The following TENM3 variants were observed in gnomAD, a reference collection of about 807,000 sequenced individuals.
The protein encoded by TENM3 is teneurin-3.
TENM3 carries 63 observed loss-of-function variants against 255.1 expected under a neutral mutation model. The ratio of observed to expected loss-of-function variants is 0.25; its 90% CI spans 0.20 to 0.30. The LOEUF (loss-of-function observed/expected upper bound fraction) is 0.30. Ranked by LOEUF, TENM3 falls within the 10% of genes least tolerant of loss-of-function variation. The pLI is 1.00. For synonymous variants in TENM3, 1,306 were observed against 1,322.3 expected (o/e 0.99, Z 0.27); for missense variants, 2,929 against 3,461.1 (o/e 0.85, Z 3.86).
intron 1 of TENM3, among the ~76,000 whole-genome samples, chr4:182,187,448 A>C (rs375505752): frequency 1.1e-4 from 17 of 152,246 alleles, no homozygotes; most frequent in East Asian, 9.7e-4. Context: ...GGAGGTTAAA[A>C]TTTTTGAAGG....
In TENM3 at chr4:182,802,179, G is replaced by A. The variant is rs1767023422; in HGVS notation, c.*1828G>A. 6.6e-6 allele frequency: 1 copy of A among 152,614 alleles called. No homozygotes were observed. The highest frequency in any genetic ancestry group is 2.4e-5 in the African/African-American group (1 of 41,440). 9.5% of individuals were successfully genotyped at this position (152,614 alleles called of 1,614,324 possible). On this transcript the variant is annotated 3_prime_UTR_variant, in exon 28 of 28. Coordinates refer to ENST00000511685, the MANE Select transcript of TENM3 (RefSeq NM_001080477.4). ...TAGCTACTGAATTTACAGTATCAGT[G>A]CTATTACTGTCTTTGTGTATTTGGT...
chr4:182,538,704 A>C (rs552954219), intron 3 of TENM3, among the ~76,000 whole-genome samples: 1 of 152,244 alleles, frequency 6.6e-6, no homozygotes, highest in East Asian at 1.9e-4. Context: ...GTGGTAGTGG[A>C]GTTGAAGAGA....
the TENM3 span, among the ~76,000 whole-genome samples, chr4:182,095,965 A>G: frequency 1.0e-3 from 159 of 152,098 alleles, no homozygotes; most frequent in African/African-American, 3.7e-3. Flanking sequence ...AAATCAAAAC[A>G]AAAAAACAGA....
the TENM3 span, among the ~76,000 whole-genome samples, chr4:182,040,694 C>T: frequency 1.3e-5 from 2 of 152,166 alleles, no homozygotes; most frequent in African/African-American, 4.8e-5. Flanking sequence ...CTAGTTTTCT[C>T]CCAGTTTCCA....
chr4:181,820,277 A>C, the TENM3 span: 1 of 152,216 alleles, frequency 6.6e-6, no homozygotes, highest in East Asian at 1.9e-4. Flanking sequence ...TTCCTAGAAC[A>C]ATTCCGCTTT....
At chr4:181,822,252 A>G in the TENM3 span, among the ~76,000 whole-genome samples, 1 of 152,204 alleles carries the variant, frequency 6.6e-6, no homozygotes. Flanking sequence ...ATAAATGAAC[A>G]GAGATAAATC....
chr4:182,006,524 T>C, the TENM3 span, among the ~76,000 whole-genome samples: 1 of 152,082 alleles, frequency 6.6e-6, no homozygotes, highest in Admixed American at 6.5e-5. Flanking sequence ...AGAGGTGTTT[T>C]TAGTATTCTC....
chr4:181,926,542 C>G, the TENM3 span, among the ~76,000 whole-genome samples: 4 of 152,046 alleles, frequency 2.6e-5, no homozygotes, highest in African/African-American at 7.2e-5. Context: ...CATAAAATCT[C>G]CCTGCTAAGG....
chr4:181,696,833 G>A, the TENM3 span, among the ~76,000 whole-genome samples: 3 of 152,262 alleles, frequency 2.0e-5, no homozygotes, highest in Admixed American at 1.3e-4. Flanking sequence ...TCAGCACTCC[G>A]GGCTCTCTGC....
intron 3 of TENM3, among the ~76,000 whole-genome samples, chr4:182,504,903 A>G (rs955948569): frequency 2.0e-5 from 3 of 152,200 alleles, no homozygotes; most frequent in Non-Finnish European, 4.4e-5. Flanking sequence ...TCATAATACA[A>G]CAGATACTTG....
At chr4:182,738,845 C>A (rs1184081215) in intron 18 of TENM3, among the ~76,000 whole-genome samples, 1 of 151,374 alleles carries the variant, frequency 6.6e-6, no homozygotes, top group Admixed American at 6.6e-5. Flanking sequence ...GAGTGGGAGT[C>A]GTCAGCACAG....
the TENM3 span, among the ~76,000 whole-genome samples, chr4:181,561,676 G>A: frequency 2.0e-5 from 3 of 151,876 alleles, no homozygotes; most frequent in African/African-American, 4.8e-5. Flanking sequence ...ATTTACTTAG[G>A]CATTTTACAT....
At chr4:181,813,215 G>T in the TENM3 span, among the ~76,000 whole-genome samples, 1 of 152,252 alleles carries the variant, frequency 6.6e-6, no homozygotes, top group South Asian at 2.1e-4. Flanking sequence ...TCTCTTGTAA[G>T]GGTAGCAATC....
intron 1 of TENM3, among the ~76,000 whole-genome samples, chr4:182,296,651 G>C (rs1761518670): frequency 6.6e-6 from 1 of 152,222 alleles, no homozygotes; most frequent in Non-Finnish European, 1.5e-5. Flanking sequence ...AACGTGTTTA[G>C]CACTGCTGTG....
chr4:182,714,276 A>G (rs752087079), intron 13 of TENM3, 43 bp downstream of exon 13: 2 of 1,360,738 alleles, frequency 1.5e-6, no homozygotes, highest in Non-Finnish European at 2.0e-6. Context: ...GCCAGAGCAC[A>G]GGTTCGTAAG....
chr4:182,066,681 C>T, the TENM3 span, among the ~76,000 whole-genome samples: 2,675 of 151,296 alleles, frequency 0.018, 83 homozygotes, highest in East Asian at 0.14. Context: ...GAGGCCAAGG[C>T]GGGCGGATCA....
the TENM3 span, among the ~76,000 whole-genome samples, chr4:181,971,415 T>G: frequency 6.6e-6 from 1 of 152,090 alleles, no homozygotes. Flanking sequence ...ATGATCCACA[T>G]CCAAAATCAT....
the TENM3 span, among the ~76,000 whole-genome samples, chr4:181,979,878 A>G: frequency 6.6e-6 from 1 of 152,002 alleles, no homozygotes; most frequent in African/African-American, 2.4e-5. Flanking sequence ...TGTTCGTTTT[A>G]GTTTTTGTTT....
chr4:182,156,630 T>C (rs1371510538), intron 1 of TENM3, among the ~76,000 whole-genome samples: 1 of 152,180 alleles, frequency 6.6e-6, no homozygotes, highest in African/African-American at 2.4e-5. Flanking sequence ...CATTAAAATA[T>C]ATATTTAGAG....
Sources: gnomAD v4.1 joint callset for allele counts (sites outside exome capture counted in the v4.1 genomes callset) on GRCh38, gnomAD v4.1.1 for gene constraint, MANE v1.5 for transcripts, NCBI Gene and HGNC (gene_info 2026-07-23, HGNC 2026-07-21) for gene names.